WWOX: variants seen among roughly 807,000 people sequenced by gnomAD.
The protein encoded by WWOX is WW domain-containing oxidoreductase.
A neutral mutation model predicts 46.2 loss-of-function variants in WWOX; 69 were observed. That is an observed-to-expected ratio of 1.49 (90% CI 1.23 to 1.82). The LOEUF is 1.82. WWOX is among the 40% of genes most tolerant of loss of function. The probability of loss-of-function intolerance (pLI) is 0.00; values close to 1 mark genes in which losing one functional copy is unlikely to be tolerated. For missense variants in WWOX, 919 were observed against 542.6 expected, an observed-to-expected ratio of 1.69 and a Z score of -6.89; for synonymous variants, 359 against 202.6, an observed-to-expected ratio of 1.77 and a Z score of -6.56.
chr16:78,899,432 C>G (rs756585508), intron 8 of WWOX: 1 of 152,162 alleles, frequency 6.6e-6, no homozygotes, highest in East Asian at 1.9e-4. Context: ...ATGTCACTTT[C>G]CTTTATCTGT....
At chr16:78,149,084 T>G (rs568672714) in intron 4 of WWOX, among the ~76,000 whole-genome samples, 4 of 152,132 alleles carry the variant, frequency 2.6e-5, no homozygotes, top group South Asian at 2.1e-4. Flanking sequence ...CTCGAATTCC[T>G]AAGCTCAAGT....
intron 8 of WWOX, among the ~76,000 whole-genome samples, chr16:79,190,968 A>C (rs953075732): frequency 1.3e-5 from 2 of 152,238 alleles, no homozygotes; most frequent in East Asian, 1.9e-4. Flanking sequence ...TACACATTCA[A>C]ATAAAATCAT....
rs2043737759 is a variant in WWOX, at chr16:78,535,531, A to G, written c.1056+102779A>G. The stretch of plus-strand genomic sequence containing the variant: ...CCTTGAAGTAGAGGGAAAGGGGACG[A>G]CAGAAGAACCCTTAGAAGTAAGACT... On this transcript the variant is annotated intron_variant, in intron 8 of 8. Coordinates refer to ENST00000566780, the MANE Select transcript of WWOX (RefSeq NM_016373.4). 3 of 152,224 alleles carry G rather than the reference A, an allele frequency of 2.0e-5. No individual in the cohort carries two copies. In the South Asian group the frequency reaches 6.2e-4, roughly 32 times the overall value. 9.4% of individuals were successfully genotyped at this position (152,224 alleles called of 1,614,324 possible).
At chr16:78,108,306 T>TC in intron 1 of WWOX, 117 bp from the exon 2 acceptor site, 3 of 1,007,148 alleles carry the variant, frequency 3.0e-6, no homozygotes, top group Middle Eastern at 2.7e-4. Flanking sequence ...TTCTCCTTCT[T>TC]CCCCCTACTT....
chr16:79,019,322 G>A lies in WWOX; in HGVS notation c.1057-192286G>A, dbSNP rs1402929393. 2.0e-5 allele frequency among the ~76,000 whole-genome samples: 3 copies of A among 152,170 alleles called. No individual in the cohort carries two copies. The East Asian group carries it at 5.8e-4, about 29-fold the overall frequency. ...GTGCACGTACACAAACCTAGATGGT[G>A]CCGTCTACTACACACACACTTAGGC... On this transcript the variant is annotated intron_variant, in intron 8 of 8. Transcript: ENST00000566780.
At chr16:78,548,384 C>A (rs1395520700) in intron 8 of WWOX, among the ~76,000 whole-genome samples, 1 of 151,872 alleles carries the variant, frequency 6.6e-6, no homozygotes, top group African/African-American at 2.4e-5. Flanking sequence ...ATGTGACTCA[C>A]GCAGAGCAGA....
At chr16:79,140,865 C>T (rs1368804401) in intron 8 of WWOX, among the ~76,000 whole-genome samples, 1 of 152,178 alleles carries the variant, frequency 6.6e-6, no homozygotes, top group African/African-American at 2.4e-5. Context: ...TTCCGTACGT[C>T]AGTTTCACAC....
intron 6 of WWOX, among the ~76,000 whole-genome samples, chr16:78,422,312 G>GT (rs201772608): frequency 0.013 from 2,046 of 151,932 alleles, 41 homozygotes; most frequent in East Asian, 0.063. Flanking sequence ...GCCAATGTTT[G>GT]TTTTTTAAAA....
intron 8 of WWOX, among the ~76,000 whole-genome samples, chr16:78,678,784 C>T (rs2047662211): frequency 6.6e-6 from 1 of 152,112 alleles, no homozygotes; most frequent in African/African-American, 2.4e-5. Context: ...TGTGCGTGGC[C>T]TGGGGTTAAG....
At chr16:78,413,196 G>T (rs547833725) in intron 6 of WWOX, among the ~76,000 whole-genome samples, 4 of 152,166 alleles carry the variant, frequency 2.6e-5, no homozygotes, top group African/African-American at 9.7e-5. Context: ...CAATCTCCCC[G>T]AGAATTCAGG....
chr16:78,549,579 T>A (rs892783677), intron 8 of WWOX, among the ~76,000 whole-genome samples: 3 of 152,186 alleles, frequency 2.0e-5, no homozygotes, highest in Middle Eastern at 6.4e-3. Flanking sequence ...GCAAGACATG[T>A]GGCCACTCCA....
intron 8 of WWOX, among the ~76,000 whole-genome samples, chr16:78,469,427 A>G (rs1162093796): frequency 6.6e-6 from 1 of 152,182 alleles, no homozygotes; most frequent in Non-Finnish European, 1.5e-5. Context: ...GGCAAACCAA[A>G]AGTGAGCAAC....
chr16:79,031,038 A>T (rs931350225), intron 8 of WWOX, among the ~76,000 whole-genome samples: 2 of 150,450 alleles, frequency 1.3e-5, no homozygotes, highest in Non-Finnish European at 3.0e-5. Context: ...GGCCGCAGTG[A>T]GCCGAGATCG....
intron 8 of WWOX, among the ~76,000 whole-genome samples, chr16:78,952,346 G>C (rs975142344): frequency 6.6e-6 from 1 of 151,468 alleles, no homozygotes; most frequent in Non-Finnish European, 1.5e-5. Context: ...GCAATGCACT[G>C]AGCTGCAGTT....
At chr16:78,196,084 G>A (rs1476048591) in intron 5 of WWOX, among the ~76,000 whole-genome samples, 2 of 152,116 alleles carry the variant, frequency 1.3e-5, no homozygotes, top group Non-Finnish European at 2.9e-5. Flanking sequence ...GTTTTACTGA[G>A]AGCACTTTTC....
intron 8 of WWOX, among the ~76,000 whole-genome samples, chr16:78,681,749 A>C (rs1294267669): frequency 6.6e-6 from 1 of 152,184 alleles, no homozygotes; most frequent in Admixed American, 6.5e-5. Flanking sequence ...AATACTCAGC[A>C]CAAAGGCGTG....
chr16:78,185,248 C>G (rs768560201), intron 5 of WWOX, among the ~76,000 whole-genome samples: 27 of 152,092 alleles, frequency 1.8e-4, no homozygotes, highest in Non-Finnish European at 3.1e-4. Flanking sequence ...TCATGTCAAG[C>G]CTTTTTGCTG....
At chr16:79,160,727 A>G (rs1211511287) in intron 8 of WWOX, among the ~76,000 whole-genome samples, 1 of 152,214 alleles carries the variant, frequency 6.6e-6, no homozygotes. Flanking sequence ...TAGTGATAAA[A>G]TGGGAACAGT....
chr16:78,435,402 C>T (rs2083312123), intron 8 of WWOX, among the ~76,000 whole-genome samples: 3 of 152,150 alleles, frequency 2.0e-5, no homozygotes, highest in South Asian at 4.1e-4. Flanking sequence ...GTGAACAGGC[C>T]TCAATGCCTA....
Sources: allele counts gnomAD v4.1 joint callset (sites outside exome capture counted in the v4.1 genomes callset), GRCh38; gene constraint gnomAD v4.1.1; transcripts MANE v1.5; gene names NCBI Gene and HGNC (gene_info 2026-07-23, HGNC 2026-07-21).